Variants in AHCYL1 observed in about 807,000 individuals in gnomAD.
The protein encoded by AHCYL1 is adenosylhomocysteinase like 1.
In AHCYL1, 20 loss-of-function variants were observed where a neutral mutation model predicts 79.3. The ratio of observed to expected loss-of-function variants is 0.25; its 90% CI spans 0.18 to 0.37. The LOEUF (loss-of-function observed/expected upper bound fraction) is 0.37, where lower values mean the gene tolerates loss of function less well. AHCYL1 is among the 10% of genes least tolerant of loss of function. The pLI, the probability that AHCYL1 is intolerant of heterozygous loss-of-function variation, is 1.00. For synonymous variants in AHCYL1, 223 were observed against 242.2 expected, an observed-to-expected ratio of 0.92 and a Z score of 0.74; for missense variants, 330 against 673.6, an observed-to-expected ratio of 0.49 and a Z score of 5.65.
intron 14 of AHCYL1, among the ~76,000 whole-genome samples, 192 bp from the exon 15 acceptor site, chr1:110,019,356 C>T (rs1233122653): frequency 1.3e-5 from 2 of 152,246 alleles, no homozygotes; most frequent in South Asian, 2.1e-4. Context: ...TTTGTTCTTT[C>T]GTTAGGAACT....
At chr1:110,001,893 TCA>T (rs1165453114) in intron 1 of AHCYL1, among the ~76,000 whole-genome samples, 2 of 152,192 alleles carry the variant, frequency 1.3e-5, no homozygotes, top group East Asian at 3.9e-4. Flanking sequence ...GATTACTCAG[TCA>T]CACAGAAAAT....
intron 12 of AHCYL1, 36 bp from the exon 13 acceptor site, chr1:110,018,516 T>A (rs1313441396): frequency 6.2e-7 from 1 of 1,613,918 alleles, no homozygotes; most frequent in Middle Eastern, 1.6e-4. Context: ...TACCTTTCAT[T>A]AATAACCATA....
chr1:110,007,267 T>C (rs571585578), intron 1 of AHCYL1, among the ~76,000 whole-genome samples: 5 of 152,018 alleles, frequency 3.3e-5, no homozygotes, highest in African/African-American at 9.7e-5. Context: ...AGCTTCCAAA[T>C]AGAATAGGCT....
intron 1 of AHCYL1, among the ~76,000 whole-genome samples, chr1:110,005,057 A>T (rs1465180117): frequency 6.6e-6 from 1 of 152,192 alleles, no homozygotes; most frequent in Admixed American, 6.5e-5. Context: ...CTCTGCACAC[A>T]ATATGCTAGG....
chr1:110,016,037 G>A (rs1005615009), intron 7 of AHCYL1, among the ~76,000 whole-genome samples: 2 of 151,974 alleles, frequency 1.3e-5, no homozygotes, highest in Non-Finnish European at 2.9e-5. Context: ...ATCAGAAGTA[G>A]GCATGGGTTT....
In AHCYL1 at chr1:110,009,160, A is replaced by T. The variant is rs1650858992; in HGVS notation, c.232+15A>T. The T allele has an allele frequency of 6.3e-7, 1 of 1,593,540 alleles. No homozygotes were observed. Among genetic ancestry groups the T allele is most frequent in the South Asian group, 1.1e-5 (1 of 90,486 alleles). On this transcript the variant is annotated intron_variant, in intron 2 of 16. Transcript: ENST00000369799. ...CTACAGTTCAGGTAGGTGTGAATGA[A>T]CTCCATGTCCTCTCTAATCTCTCTT...
At chr1:110,011,891 A>G (rs540915933) in intron 3 of AHCYL1, among the ~76,000 whole-genome samples, 23 of 152,252 alleles carry the variant, frequency 1.5e-4, no homozygotes, top group Non-Finnish European at 2.6e-4. Context: ...TTGTTTACAC[A>G]TTGAAGGCAT....
Position 110,021,912 on chromosome 1 carries a change from T to A in AHCYL1, c.*232T>A. On this transcript the variant is annotated 3_prime_UTR_variant, in exon 17 of 17. Transcript: ENST00000369799. The stretch of plus-strand genomic sequence containing the variant: ...CCTCACTCTAGTCACTAAAGAAGGA[T>A]TTTACTCTCCCAGCCCAGAAAGGTG... The A allele has an allele frequency of 2.1e-6, 1 of 484,366 alleles. No homozygotes were observed. Among genetic ancestry groups the A allele is most frequent in the Non-Finnish European group, 3.6e-6 (1 of 277,198 alleles). 30.0% of individuals were successfully genotyped at this position (484,366 alleles called of 1,614,324 possible).
intron 4 of AHCYL1, 69 bp downstream of exon 4, chr1:110,012,531 CT>C: frequency 8.0e-7 from 1 of 1,252,578 alleles, no homozygotes; most frequent in Non-Finnish European, 1.1e-6. Flanking sequence ...TTTTTTTTCA[CT>C]TTTCCTTTCC....
At chr1:110,017,754 A>G (rs1357360374) in intron 10 of AHCYL1, among the ~76,000 whole-genome samples, 171 bp downstream of exon 10, 1 of 152,042 alleles carries the variant, frequency 6.6e-6, no homozygotes, top group Non-Finnish European at 1.5e-5. Context: ...GCCTCTTGGC[A>G]TTTTTCCTTC....
chr1:110,003,600 AT>A lies in AHCYL1; in HGVS notation c.121-5423del, dbSNP rs956221088. 2.0e-3 allele frequency among the ~76,000 whole-genome samples: 303 copies of A among 148,500 alleles called. 1 individual carries two copies. Among genetic ancestry groups the A allele is most frequent in the African/African-American group, 5.5e-3 (223 of 40,672 alleles). On this transcript the variant is annotated intron_variant, in intron 1 of 16. Coordinates refer to ENST00000369799, the MANE Select transcript of AHCYL1 (RefSeq NM_006621.7). The stretch of plus-strand genomic sequence containing the variant: ...AGGATTTCTTCAGTCACCTGTACTG[AT>A]TTTTTTTTTTAAACCTAGAATTGAT...
intron 1 of AHCYL1, among the ~76,000 whole-genome samples, chr1:109,988,874 G>A (rs569714226): frequency 5.3e-5 from 8 of 152,354 alleles, no homozygotes; most frequent in African/African-American, 1.9e-4. Flanking sequence ...GAGCCCCAAT[G>A]GGTACAGCTT....
chr1:110,006,291 A>G (rs143500416), intron 1 of AHCYL1, among the ~76,000 whole-genome samples: 3 of 152,312 alleles, frequency 2.0e-5, no homozygotes, highest in Non-Finnish European at 4.4e-5. Context: ...CATTTCAGCC[A>G]CTTTATTTCC....
chr1:110,014,698 G>A, intron 5 of AHCYL1, 65 bp from the exon 6 acceptor site: 2 of 1,249,836 alleles, frequency 1.6e-6, no homozygotes, highest in South Asian at 2.7e-5. Context: ...ATGGATCTCA[G>A]AAAGTGATTT....
At chr1:110,000,817 C>A in intron 1 of AHCYL1, 3 of 368,892 alleles carry the variant, frequency 8.1e-6, no homozygotes, top group South Asian at 1.1e-4. Flanking sequence ...AGTCACTTAG[C>A]CCCAACCCCT....
intron 8 of AHCYL1, 88 bp from the exon 9 acceptor site, chr1:110,016,579 T>G: frequency 6.3e-7 from 1 of 1,584,628 alleles, no homozygotes; most frequent in Non-Finnish European, 8.6e-7. Context: ...GATATTCTCA[T>G]GGGCATTGGC....
At chr1:109,985,586 A>T (rs1649426386) in intron 1 of AHCYL1, 1 of 984,152 alleles carries the variant, frequency 1.0e-6, no homozygotes, top group Non-Finnish European at 1.2e-6. Flanking sequence ...AATCTTTGGG[A>T]GCAGTGGCCG....
intron 1 of AHCYL1, among the ~76,000 whole-genome samples, chr1:109,993,484 A>T (rs1649870502): frequency 6.6e-6 from 1 of 152,218 alleles, no homozygotes; most frequent in East Asian, 1.9e-4. Flanking sequence ...TGAGATAATC[A>T]TTCCTTGGAG....
Position 110,017,977 on chromosome 1 carries a change from G to C in AHCYL1, c.1084G>C (p.Glu362Gln), listed in dbSNP as rs1190221559. ...MDGFRVVKLN[E>Q]VIRQVDVVIT... Reference sequence around the variant, plus strand: ...TGGGTTCAGGGTGGTAAAGCTAAATGAAGTCATCCGGCAAGTCGATGTCGT... The same window carrying C: ...TGGGTTCAGGGTGGTAAAGCTAAATCAAGTCATCCGGCAAGTCGATGTCGT... The change falls in exon 11 of 17, where the codon GAA becomes CAA. Residue 362 changes from glutamate (E) to glutamine (Q), a missense_variant. This residue lies in a region of AHCYL1 where 119 missense variants were observed against 293.3 expected (regional missense o/e 0.41). Coordinates refer to ENST00000369799, the MANE Select transcript of AHCYL1 (RefSeq NM_006621.7). 7.4e-6 allele frequency: 12 copies of C among 1,614,166 alleles called. 1 individual carries two copies. Among genetic ancestry groups the C allele is most frequent in the Non-Finnish European group, 9.3e-6 (11 of 1,180,028 alleles).
Sources: allele counts gnomAD v4.1 joint callset (sites outside exome capture counted in the v4.1 genomes callset), GRCh38; gene constraint gnomAD v4.1.1; regional missense constraint gnomAD v4.1.1; transcripts MANE v1.5; gene names NCBI Gene and HGNC (gene_info 2026-07-23, HGNC 2026-07-21).